RNMT: variants seen among roughly 807,000 people sequenced by gnomAD.
RNMT encodes the protein mRNA cap guanine-N(7) methyltransferase.
Under a neutral mutation model 56.0 loss-of-function variants are expected in RNMT, and 27 were observed. The ratio of observed to expected loss-of-function variants is 0.48; its 90% CI spans 0.36 to 0.67. The LOEUF (loss-of-function observed/expected upper bound fraction) is 0.67. Among genes scored for constraint, RNMT ranks in the 30% least tolerant of loss-of-function variants. The pLI, the probability that RNMT is intolerant of heterozygous loss-of-function variation, is 0.00. For missense variants in RNMT, 519 were observed against 552.1 expected (o/e 0.94, Z 0.60); for synonymous variants, 184 against 176.2 (o/e 1.04, Z -0.35).
intron 4 of RNMT, 85 bp from the exon 5 acceptor site, chr18:13,736,925 G>T (rs2044167327): frequency 8.2e-7 from 1 of 1,223,640 alleles, no homozygotes; most frequent in African/African-American, 1.5e-5. Context: ...TTGGGCAAAA[G>T]ATAGTAGGTT....
At position 13,728,362 on chromosome 18, in the gene RNMT, G is replaced by T. The variant is rs190237756; in HGVS notation, c.-172+1633G>T. On this transcript the variant is annotated intron_variant, in intron 1 of 11. Coordinates refer to ENST00000383314, the MANE Select transcript of RNMT (RefSeq NM_003799.3). ...TGTGTGTGTGTGTGTGTGTGACGGA[G>T]CCTTGCTCTGTCGCCCAGGCCGGAG... Among the ~76,000 whole-genome samples the T allele has an allele frequency of 5.8e-4, 78 of 134,430 alleles. 1 individual carries two copies. The highest frequency in any genetic ancestry group is 2.2e-3 in the African/African-American group (75 of 34,414). 88.2% of individuals were successfully genotyped at this position (134,430 alleles called of 152,430 possible). A position where few individuals can be genotyped will look rare whatever the true frequency, so the allele number is the denominator to read the frequency against.
At position 13,741,710 on chromosome 18, in the gene RNMT, A is replaced by G; in HGVS notation, c.974+19A>G. 1 of 1,512,928 alleles carries G rather than the reference A, an allele frequency of 6.6e-7. No individual in the cohort carries two copies. Among genetic ancestry groups the G allele is most frequent in the Non-Finnish European group, 9.0e-7 (1 of 1,110,276 alleles). 93.7% of individuals were successfully genotyped at this position (1,512,928 alleles called of 1,614,324 possible). The stretch of plus-strand genomic sequence containing the variant: ...AATTGATGTAAGTACTTCTAAATAT[A>G]TTGTGGTTTATAAAATATTCAGTAT... On this transcript the variant is annotated intron_variant, in intron 7 of 11. Coordinates refer to ENST00000383314, the MANE Select transcript of RNMT (RefSeq NM_003799.3).
chr18:13,753,726 A>C (rs2044492668), intron 10 of RNMT, among the ~76,000 whole-genome samples: 1 of 151,346 alleles, frequency 6.6e-6, no homozygotes. Flanking sequence ...AGCCAAGATC[A>C]CGCCACTGCC....
chr18:13,763,639 T>C lies in RNMT; in HGVS notation c.*3660T>C, dbSNP rs77575621. The C allele has an allele frequency of 8.4e-3, 1,305 of 155,056 alleles. 10 individuals carry two copies. Among genetic ancestry groups the C allele is most frequent in the Non-Finnish European group, 0.015 (1,028 of 69,556 alleles). The allele number at this position is 155,056 out of a possible 1,614,324, so 9.6% of individuals were successfully genotyped here. A position where few individuals can be genotyped will look rare whatever the true frequency, so the allele number is the denominator to read the frequency against. ...CTGTGGTAACTCATTTTGATTGTTATAACATCTCAGCACCGTTATTCCCAT... is the reference window on the plus strand; with the variant it reads ...CTGTGGTAACTCATTTTGATTGTTACAACATCTCAGCACCGTTATTCCCAT... On this transcript the variant is annotated 3_prime_UTR_variant, in exon 12 of 12. Transcript: ENST00000383314.
intron 10 of RNMT, among the ~76,000 whole-genome samples, chr18:13,753,640 G>A (rs1347994743): frequency 6.6e-6 from 1 of 151,200 alleles, no homozygotes; most frequent in East Asian, 1.9e-4. Flanking sequence ...GCGTGGTGGC[G>A]GGCACCTGTA....
Position 13,764,168 on chromosome 18 carries a change from G to T in RNMT, c.*4189G>T, listed in dbSNP as rs540255396. 1 of 152,188 alleles carries T rather than the reference G, an allele frequency of 6.6e-6. No homozygotes were observed. Among genetic ancestry groups the T allele is most frequent in the African/African-American group, 2.4e-5 (1 of 41,434 alleles). The allele number at this position is 152,188 out of a possible 1,614,324, so 9.4% of individuals were successfully genotyped here. A position where few individuals can be genotyped will look rare whatever the true frequency, so the allele number is the denominator to read the frequency against. ...AAAGTGAGAGGCTGAGAGCAAAGGA[G>T]ACATTTTTTTCAGTTTTGAGTCGAG... On this transcript the variant is annotated 3_prime_UTR_variant, in exon 12 of 12. Transcript: ENST00000383314.
intron 2 of RNMT, among the ~76,000 whole-genome samples, 195 bp from the exon 3 acceptor site, chr18:13,731,281 G>A (rs1195543787): frequency 6.6e-6 from 1 of 152,130 alleles, no homozygotes; most frequent in Non-Finnish European, 1.5e-5. Flanking sequence ...GGTGGCAGGT[G>A]CCTGTAATCC....
intron 11 of RNMT, among the ~76,000 whole-genome samples, chr18:13,754,784 A>T (rs530393666): frequency 6.6e-6 from 1 of 152,214 alleles, no homozygotes; most frequent in South Asian, 2.1e-4. Context: ...GAATACTTGC[A>T]TGTCTTTTTT....
chr18:13,754,350 A>G (rs1362035775), intron 11 of RNMT, among the ~76,000 whole-genome samples: 2 of 152,186 alleles, frequency 1.3e-5, no homozygotes, highest in African/African-American at 4.8e-5. Flanking sequence ...TACCAAAAAT[A>G]CAAAAAAATT....
chr18:13,746,403 C>T (rs2044353288), intron 9 of RNMT, 66 bp downstream of exon 9: 2 of 867,564 alleles, frequency 2.3e-6, no homozygotes, highest in Non-Finnish European at 3.8e-6. Flanking sequence ...TCTTGAGATC[C>T]TTGCAAGGCC....
chr18:13,746,143 G>T, intron 8 of RNMT, 77 bp from the exon 9 acceptor site: 2 of 738,878 alleles, frequency 2.7e-6, no homozygotes, highest in Non-Finnish European at 4.6e-6. Flanking sequence ...TCCAGAAGAT[G>T]TCATTGCTGT....
At chr18:13,737,833 A>G (rs1318577741) in intron 5 of RNMT, among the ~76,000 whole-genome samples, 5 of 152,072 alleles carry the variant, frequency 3.3e-5, no homozygotes, top group Admixed American at 2.6e-4. Context: ...AAACATTTGT[A>G]ATCAGATGGT....
chr18:13,749,285 T>C (rs2044401448), intron 9 of RNMT, among the ~76,000 whole-genome samples: 2 of 152,328 alleles, frequency 1.3e-5, no homozygotes, highest in East Asian at 1.9e-4. Flanking sequence ...CTTTGTGATA[T>C]GGTAAAACTA....
At chr18:13,754,927 G>C (rs1380172072) in intron 11 of RNMT, among the ~76,000 whole-genome samples, 1 of 152,198 alleles carries the variant, frequency 6.6e-6, no homozygotes, top group Non-Finnish European at 1.5e-5. Context: ...CTGAAGTGAG[G>C]TTCCTGTGTT....
chr18:13,744,235 A>G (rs1180761420), intron 8 of RNMT, among the ~76,000 whole-genome samples: 1 of 138,104 alleles, frequency 7.2e-6, no homozygotes, highest in Non-Finnish European at 1.5e-5. Flanking sequence ...TTTAATATCT[A>G]ATTTTTTAAA....
In RNMT at chr18:13,763,348, T is replaced by C; in HGVS notation, c.*3369T>C. On this transcript the variant is annotated 3_prime_UTR_variant, in exon 12 of 12. Coordinates refer to ENST00000383314, the MANE Select transcript of RNMT (RefSeq NM_003799.3). ...AGTTCTTCCCTCCCTCTCGTGCTGC[T>C]CAGTTTGTCCTCTGCTCCCATGTAG... 2 of 337,110 alleles carry C rather than the reference T, an allele frequency of 5.9e-6. No individual in the cohort carries two copies. Among genetic ancestry groups the C allele is most frequent in the South Asian group, 2.4e-5 (1 of 41,468 alleles). The allele number at this position is 337,110 out of a possible 1,614,324, so 20.9% of individuals were successfully genotyped here. A position where few individuals can be genotyped will look rare whatever the true frequency, so the allele number is the denominator to read the frequency against.
chr18:13,732,130 T>G (rs141532743), intron 3 of RNMT, among the ~76,000 whole-genome samples, 196 bp downstream of exon 3: 26 of 152,350 alleles, frequency 1.7e-4, no homozygotes, highest in Non-Finnish European at 3.2e-4. Context: ...ATGAGATAGA[T>G]TTTTTAGTTT....
At chr18:13,735,890 T>A (rs1389878703) in intron 4 of RNMT, among the ~76,000 whole-genome samples, 2 of 152,188 alleles carry the variant, frequency 1.3e-5, no homozygotes, top group East Asian at 3.8e-4. Context: ...ATCAGTGTGA[T>A]CTGTGCCAAG....
chr18:13,744,883 G>C (rs535199059), intron 8 of RNMT, among the ~76,000 whole-genome samples: 20 of 152,088 alleles, frequency 1.3e-4, no homozygotes, highest in Non-Finnish European at 2.8e-4. Flanking sequence ...TATAAACTTG[G>C]CAAATGCAGT....
Sources: gnomAD v4.1 joint callset for allele counts (sites outside exome capture counted in the v4.1 genomes callset) on GRCh38, gnomAD v4.1.1 for gene constraint, MANE v1.5 for transcripts, NCBI Gene and HGNC (gene_info 2026-07-23, HGNC 2026-07-21) for gene names.